Variants in LYG2 observed in about 807,000 individuals in gnomAD.
The protein encoded by LYG2 is lysozyme g-like protein 2.
Under a neutral mutation model 22.4 loss-of-function variants are expected in LYG2, and 25 were observed. That is an observed-to-expected ratio of 1.12 (90% CI 0.81 to 1.56). The LOEUF is 1.56. Among genes scored for constraint, LYG2 ranks in the 40% most tolerant of loss-of-function variants. LYG2 has a pLI of 0.00. For synonymous variants in LYG2, 88 were observed against 97.0 expected (o/e 0.91, Z 0.55); for missense variants, 266 against 269.5 (o/e 0.99, Z 0.09).
intron 3 of LYG2, among the ~76,000 whole-genome samples, chr2:99,253,053 A>C (rs1420968557): frequency 2.0e-5 from 3 of 150,928 alleles, no homozygotes; most frequent in African/African-American, 7.3e-5. Flanking sequence ...TGTCTCAAAA[A>C]AAAAAAAAAA....
chr2:99,250,603 T>C lies in LYG2; in HGVS notation c.43+3615A>G, dbSNP rs539653410. Among the ~76,000 whole-genome samples, 664 of 152,286 alleles carry C rather than the reference T, an allele frequency of 4.4e-3. 6 individuals carry two copies. The highest frequency in any genetic ancestry group is 0.014 in the South Asian group (69 of 4,826). On this transcript the variant is annotated intron_variant, in intron 3 of 6. Coordinates refer to ENST00000333017, the MANE Select transcript of LYG2 (RefSeq NM_175735.4). ...GTTAGCCAGGATGGTCTCGATCTGC[T>C]GACCTTGTGATCCGCCCACCTTGGC...
In LYG2 at chr2:99,245,760, CT is replaced by C. The variant is rs569090185; in HGVS notation, c.185-303del. Among the ~76,000 whole-genome samples, 20 of 152,278 alleles carry C rather than the reference CT, an allele frequency of 1.3e-4. No homozygotes were observed. The East Asian group carries it at 3.9e-3, about 29-fold the overall frequency. ...CTTGGGACAACCATTCTAAGACATC[CT>C]TTTGATCTCTGACTGCAGAAACAAA... On this transcript the variant is annotated intron_variant, in intron 4 of 6. Coordinates refer to ENST00000333017, the MANE Select transcript of LYG2 (RefSeq NM_175735.4).
In LYG2 at chr2:99,250,881, C is replaced by T. The variant is rs190583157; in HGVS notation, c.43+3337G>A. On this transcript the variant is annotated intron_variant, in intron 3 of 6. Transcript: ENST00000333017. ...GGGACTGGTTGAGTAAGTGATGCTA[C>T]GTCCACAGTGGAGCACTATGCAGCT... Among the ~76,000 whole-genome samples, 775 of 152,326 alleles carry T rather than the reference C, an allele frequency of 5.1e-3. 10 individuals carry two copies. Among genetic ancestry groups the T allele is most frequent in the Non-Finnish European group, 5.7e-3 (391 of 68,020 alleles).
chr2:99,242,321 C>G lies in LYG2; in HGVS notation c.*43G>C. ...TTCACGTAAAACTCTCAAAGGCGGCCATCTGAGCACTCTGCCAACCTGGCC... is the reference window on the plus strand; with the variant it reads ...TTCACGTAAAACTCTCAAAGGCGGCGATCTGAGCACTCTGCCAACCTGGCC... On this transcript the variant is annotated 3_prime_UTR_variant, in exon 7 of 7. Transcript: ENST00000333017. 1 of 1,144,236 alleles carries G rather than the reference C, an allele frequency of 8.7e-7. No individual in the cohort carries two copies. Among genetic ancestry groups the G allele is most frequent in the Non-Finnish European group, 1.3e-6 (1 of 773,838 alleles). The allele number at this position is 1,144,236 out of a possible 1,614,324, so 70.9% of individuals were successfully genotyped here. A position where few individuals can be genotyped will look rare whatever the true frequency, so the allele number is the denominator to read the frequency against.
At chr2:99,251,203 A>C (rs1434729481) in intron 3 of LYG2, among the ~76,000 whole-genome samples, 2 of 152,208 alleles carry the variant, frequency 1.3e-5, no homozygotes, top group Non-Finnish European at 2.9e-5. Flanking sequence ...TAAATTTTAA[A>C]ATTAAATCAA....
chr2:99,249,270 A>G, intron 3 of LYG2, among the ~76,000 whole-genome samples: 1 of 152,100 alleles, frequency 6.6e-6, no homozygotes, highest in Admixed American at 6.6e-5. Flanking sequence ...AAATACAAAA[A>G]TTAGCCTGGT....
chr2:99,244,327 G>C (rs2094012046), intron 5 of LYG2, among the ~76,000 whole-genome samples, 190 bp from the exon 6 acceptor site: 1 of 151,916 alleles, frequency 6.6e-6, no homozygotes, highest in Admixed American at 6.6e-5. Context: ...AAATGGACAT[G>C]GTATAGTTTT....
chr2:99,243,905 C>A, intron 6 of LYG2, 94 bp downstream of exon 6: 2 of 1,474,846 alleles, frequency 1.4e-6, no homozygotes, highest in Non-Finnish European at 1.9e-6. Context: ...ACTGCTGACC[C>A]CGTGGAAATG....
chr2:99,243,783 A>G (rs2094010816), intron 6 of LYG2: 1 of 591,278 alleles, frequency 1.7e-6, no homozygotes, highest in East Asian at 2.8e-5. Context: ...ATGAATAAGA[A>G]CCCCAACATT....
chr2:99,251,349 A>G (rs1408817819), intron 3 of LYG2, among the ~76,000 whole-genome samples: 1 of 152,198 alleles, frequency 6.6e-6, no homozygotes, highest in Non-Finnish European at 1.5e-5. Context: ...ATACCACTAC[A>G]TAGGAATCCA....
In LYG2 at chr2:99,242,328, G is replaced by T; in HGVS notation, c.*36C>A. 5.4e-6 allele frequency: 7 copies of T among 1,304,866 alleles called. No homozygotes were observed. The highest frequency in any genetic ancestry group is 6.6e-6 in the Non-Finnish European group (6 of 911,252). 80.8% of individuals were successfully genotyped at this position (1,304,866 alleles called of 1,614,324 possible). On this transcript the variant is annotated 3_prime_UTR_variant, in exon 7 of 7. Coordinates refer to ENST00000333017, the MANE Select transcript of LYG2 (RefSeq NM_175735.4). ...AAAACTCTCAAAGGCGGCCATCTGAGCACTCTGCCAACCTGGCCCACCCAC... is the reference window on the plus strand; with the variant it reads ...AAAACTCTCAAAGGCGGCCATCTGATCACTCTGCCAACCTGGCCCACCCAC...
rs143389707 is a variant in LYG2 at position 99,242,448 on chromosome 2, C to A, written c.555G>T (p.Ala185=). ...TGTCTATGTCCGATGGGGTGGCAAT[C>A]GCTTCAATTCCTGACTTAAAAGCTG... ...GLSAFKSGIE[A]IATPSDIDND... Residue 185 remains alanine (A), a synonymous_variant, in exon 7 of 7, where the codon GCG becomes GCT. Coordinates refer to ENST00000333017, the MANE Select transcript of LYG2 (RefSeq NM_175735.4). 11 of 1,612,600 alleles carry A rather than the reference C, an allele frequency of 6.8e-6. No individual in the cohort carries two copies. Among genetic ancestry groups the A allele is most frequent in the Non-Finnish European group, 9.3e-6 (11 of 1,179,236 alleles).
Position 99,245,333 on chromosome 2 carries a change from T to C in LYG2, c.310A>G (p.Arg104Gly). Residue 104 changes from arginine (R) to glycine (G), a missense_variant, in exon 5 of 7, where the codon AGG becomes GGG. Transcript: ENST00000333017. ...DPAVIAAIIS[R>G]ESHGGSVLQD... ...AGGACAGATCCGCCATGGCTTTCCC[T>C]GGAGATGATGGCTGCGATGACAGCA... 1 of 1,613,166 alleles carries C rather than the reference T, an allele frequency of 6.2e-7. No homozygotes were observed. The highest frequency in any genetic ancestry group is 8.5e-7 in the Non-Finnish European group (1 of 1,179,550).
At chr2:99,242,527 C>G in intron 6 of LYG2, 45 bp from the exon 7 acceptor site, 1 of 1,339,182 alleles carries the variant, frequency 7.5e-7, no homozygotes, top group Admixed American at 1.8e-5. Flanking sequence ...TAACTTTCAA[C>G]AGAAATAAGC....
Position 99,244,049 on chromosome 2 carries a change from T to G in LYG2, c.470A>C (p.Lys157Thr). The G allele has an allele frequency of 6.2e-7, 1 of 1,614,086 alleles. No homozygotes were observed. The highest frequency in any genetic ancestry group is 8.5e-7 in the Non-Finnish European group (1 of 1,180,004). The change falls in exon 6 of 7, where the codon AAG becomes ACG. Residue 157 changes from lysine (K) to threonine (T), a missense_variant. Coordinates refer to ENST00000333017, the MANE Select transcript of LYG2 (RefSeq NM_175735.4). ...CGTGGGGAATTTTTTCTGGATTGCC[T>G]TAATTCTCTCTGTTAGAATCCCAGT... ...QATGILTERI[K>T]AIQKKFPTWS...
Position 99,255,136 on chromosome 2 carries a change from G to A in LYG2, c.-142C>T, listed in dbSNP as rs1650447169. Reference sequence around the variant, plus strand: ...GCGACGGCCTTTGTCCTGTAACATAGGCTTAACAATTGGAGAATCCATTAG... The same window carrying A: ...GCGACGGCCTTTGTCCTGTAACATAAGCTTAACAATTGGAGAATCCATTAG... On this transcript the variant is annotated splice_region_variant and 5_prime_UTR_variant, in exon 2 of 7. Transcript: ENST00000333017. The A allele has an allele frequency of 6.6e-6, 1 of 152,166 alleles. No individual in the cohort carries two copies. The highest frequency in any genetic ancestry group is 1.5e-5 in the Non-Finnish European group (1 of 68,046). The allele number at this position is 152,166 out of a possible 1,614,324, so 9.4% of individuals were successfully genotyped here. A position where few individuals can be genotyped will look rare whatever the true frequency, so the allele number is the denominator to read the frequency against.
intron 3 of LYG2, among the ~76,000 whole-genome samples, chr2:99,252,324 A>G (rs1302758857): frequency 2.1e-5 from 3 of 146,218 alleles, no homozygotes; most frequent in African/African-American, 7.6e-5. Context: ...AAGTGCAGGG[A>G]TTACAGGTGT....
At chr2:99,253,239 G>T (rs2094030481) in intron 3 of LYG2, among the ~76,000 whole-genome samples, 1 of 151,928 alleles carries the variant, frequency 6.6e-6, no homozygotes, top group African/African-American at 2.4e-5. Context: ...GCCTGTGTAG[G>T]CCTTATAAAC....
At chr2:99,247,746 T>C (rs912532883) in intron 3 of LYG2, among the ~76,000 whole-genome samples, 2 of 152,056 alleles carry the variant, frequency 1.3e-5, no homozygotes, top group Non-Finnish European at 2.9e-5. Flanking sequence ...CTAATTAAAC[T>C]AAAGAGCTTC....
Sources: gnomAD v4.1 joint callset for allele counts (sites outside exome capture counted in the v4.1 genomes callset) on GRCh38, gnomAD v4.1.1 for gene constraint, MANE v1.5 for transcripts, NCBI Gene and HGNC (gene_info 2026-07-23, HGNC 2026-07-21) for gene names.